The following SEMA3A variants were observed in gnomAD, a reference collection of about 807,000 sequenced individuals.
SEMA3A encodes semaphorin-3A.
Under a neutral mutation model 97.9 loss-of-function variants are expected in SEMA3A, and 29 were observed. The ratio of observed to expected loss-of-function variants is 0.30; its 90% CI spans 0.22 to 0.40. The LOEUF (loss-of-function observed/expected upper bound fraction) is 0.40. SEMA3A is among the 10% of genes least tolerant of loss of function. The pLI is 1.00. For missense variants in SEMA3A, 763 were observed against 951.3 expected, an observed-to-expected ratio of 0.80 and a Z score of 2.60; for synonymous variants, 321 against 323.7, an observed-to-expected ratio of 0.99 and a Z score of 0.09.
At chr7:84,449,813 T>C (rs1395133408) in intron 1 of SEMA3A, among the ~76,000 whole-genome samples, 1 of 152,170 alleles carries the variant, frequency 6.6e-6, no homozygotes, top group Admixed American at 6.5e-5. Context: ...AGACATCTCA[T>C]GTTAAGTGGA....
chr7:84,271,477 A>G (rs1800151707), intron 3 of SEMA3A, among the ~76,000 whole-genome samples: 1 of 152,166 alleles, frequency 6.6e-6, no homozygotes, highest in South Asian at 2.1e-4. Flanking sequence ...TCACTATTAC[A>G]ATATCTGGAC....
chr7:84,209,679 T>C (rs887478057), intron 3 of SEMA3A, among the ~76,000 whole-genome samples: 5 of 152,228 alleles, frequency 3.3e-5, no homozygotes, highest in African/African-American at 9.6e-5. Context: ...TATTTCTTCA[T>C]GTAAAACTGT....
chr7:84,429,516 T>TTTTATATATATATA (rs1554385260), intron 1 of SEMA3A, among the ~76,000 whole-genome samples: 2,144 of 72,254 alleles, frequency 0.03, 113 homozygotes, highest in Non-Finnish European at 0.038. Flanking sequence ...ATAGAGTTTG[T>TTTTATATATATATA]TATATATATA....
At chr7:84,156,362 C>T (rs895326376) in intron 1 of SEMA3A, among the ~76,000 whole-genome samples, 37 of 152,046 alleles carry the variant, frequency 2.4e-4, no homozygotes, top group African/African-American at 8.9e-4. Flanking sequence ...CAAATATTAT[C>T]CATGACAGTT....
chr7:84,379,292 C>A (rs1803195454), intron 1 of SEMA3A, among the ~76,000 whole-genome samples: 1 of 152,010 alleles, frequency 6.6e-6, no homozygotes, highest in South Asian at 2.1e-4. Context: ...AGTTTTTTCA[C>A]AATTTTATAA....
rs371481515 is a variant in SEMA3A, at chr7:84,017,252, A to G, written c.668-2901T>C. On this transcript the variant is annotated intron_variant, in intron 6 of 16. Coordinates refer to ENST00000265362, the MANE Select transcript of SEMA3A (RefSeq NM_006080.3). ...ACTGACCTCTCTAAAATATGTGAGG[A>G]TAATTATTATCTTACAAATGTGGAC... is the stretch of plus-strand genomic sequence containing the variant. Among the ~76,000 whole-genome samples the G allele has an allele frequency of 3.2e-4, 49 of 152,308 alleles. 1 individual carries two copies. The South Asian group carries it at 8.5e-3, about 26-fold the overall frequency.
chr7:84,242,248 T>G lies in SEMA3A; in HGVS notation c.-82-47580A>C, dbSNP rs1584159552. On this transcript the variant is annotated intron_variant, in intron 3 of 3. Transcript: ENST00000424555. Reference sequence around the variant, plus strand: ...ATGGCCATTTTCACGATACTGATTCTTTCTGTCTATGAGCATGGAATGTTT... The same window carrying G: ...ATGGCCATTTTCACGATACTGATTCGTTCTGTCTATGAGCATGGAATGTTT... Among the ~76,000 whole-genome samples the G allele has an allele frequency of 3.9e-5, 6 of 152,330 alleles. 1 individual carries two copies. Among genetic ancestry groups the G allele is most frequent in the Admixed American group, 3.9e-4 (6 of 15,298 alleles).
Position 83,963,291 on chromosome 7 carries a change from T to C in SEMA3A, c.1774A>G (p.Ser592Gly), listed in dbSNP as rs759077466. 10 of 1,613,816 alleles carry C rather than the reference T, an allele frequency of 6.2e-6. No homozygotes were observed. Among genetic ancestry groups the C allele is most frequent in the Non-Finnish European group, 7.6e-6 (9 of 1,179,972 alleles). ...ERIIYGVENS[S>G]TFLECSPKSQ... ...TTCGGACTGCATTCCAAAAATGTGC[T>C]ACTATTCTCTACACCATAGATGATT... The change falls in exon 16 of 17, where the codon AGC becomes GGC. Residue 592 changes from serine (S) to glycine (G), a missense_variant. This residue lies in a region of SEMA3A where 678 missense variants were observed against 881.3 expected (regional missense o/e 0.77). Transcript: ENST00000265362.
chr7:84,257,196 T>C (rs779488473), intron 3 of SEMA3A, among the ~76,000 whole-genome samples: 11 of 152,098 alleles, frequency 7.2e-5, no homozygotes, highest in African/African-American at 1.4e-4. Context: ...CAAGATTTTT[T>C]TTAAAGAAAA....
At chr7:84,257,098 A>T (rs1799733942) in intron 3 of SEMA3A, among the ~76,000 whole-genome samples, 1 of 152,058 alleles carries the variant, frequency 6.6e-6, no homozygotes, top group Non-Finnish European at 1.5e-5. Flanking sequence ...ATGTTCCATG[A>T]ATCAAATGGT....
intron 15 of SEMA3A, among the ~76,000 whole-genome samples, chr7:83,969,354 G>A (rs1788833622): frequency 8.2e-6 from 1 of 122,272 alleles, no homozygotes; most frequent in Admixed American, 7.6e-5. Flanking sequence ...CTTCTATATT[G>A]CCAAAAAAAA....
intron 3 of SEMA3A, among the ~76,000 whole-genome samples, chr7:84,266,313 C>CAAAAAAAAAAAAAAAAAAAAAAAAAAAA: frequency 1.4e-5 from 1 of 70,484 alleles, no homozygotes. Context: ...GATTTGGTCT[C>CAAAAAAAAAAAAAAAAAAAAAAAAAAAA]AAAAAAAAAA....
intron 12 of SEMA3A, among the ~76,000 whole-genome samples, chr7:83,987,664 A>G (rs1011237528): frequency 2.0e-5 from 3 of 152,220 alleles, no homozygotes; most frequent in African/African-American, 7.2e-5. Flanking sequence ...ATTTGCATGA[A>G]TGAATAAATG....
chr7:84,335,463 G>A (rs1384726136), intron 2 of SEMA3A, among the ~76,000 whole-genome samples: 1 of 152,030 alleles, frequency 6.6e-6, no homozygotes, highest in Admixed American at 6.6e-5. Flanking sequence ...TGATGGGTGT[G>A]TGAGAGAGAA....
intron 12 of SEMA3A, among the ~76,000 whole-genome samples, chr7:83,993,587 C>T (rs890747919): frequency 1.3e-4 from 19 of 147,230 alleles, no homozygotes; most frequent in Non-Finnish European, 2.4e-4. Flanking sequence ...CTTACTTTGG[C>T]TGGATATGAA....
At chr7:84,277,545 G>A (rs1047239384) in intron 3 of SEMA3A, among the ~76,000 whole-genome samples, 7 of 152,096 alleles carry the variant, frequency 4.6e-5, no homozygotes, top group African/African-American at 1.7e-4. Context: ...GTGCCAGATA[G>A]TAATGAAATA....
In SEMA3A at chr7:83,956,306, G is replaced by T. The variant is rs1302442464; in HGVS notation, c.*5065C>A. The T allele has an allele frequency of 1.3e-5, 2 of 152,140 alleles. No homozygotes were observed. The highest frequency in any genetic ancestry group is 4.8e-5 in the African/African-American group (2 of 41,434). 9.4% of individuals were successfully genotyped at this position (152,140 alleles called of 1,614,324 possible). ...TCTAATGCTAGCTGAGTGAGGTAAGGCTGTAGGTAGGTGAAATGTAACAGA... is the reference window on the plus strand; with the variant it reads ...TCTAATGCTAGCTGAGTGAGGTAAGTCTGTAGGTAGGTGAAATGTAACAGA... On this transcript the variant is annotated 3_prime_UTR_variant, in exon 17 of 17. Coordinates refer to ENST00000265362, the MANE Select transcript of SEMA3A (RefSeq NM_006080.3).
rs111646218 is a variant in SEMA3A, at chr7:84,291,559, C to T, written c.-83+15648G>A. ...TCTCTTCCATTAAAAAATAATTTAT[C>T]TCATAAAACATTGAACATTTCCATT... On this transcript the variant is annotated intron_variant, in intron 3 of 3. Coordinates refer to the SEMA3A transcript ENST00000424555. 3.3e-5 allele frequency among the ~76,000 whole-genome samples: 5 copies of T among 152,116 alleles called. 1 individual carries two copies. Among genetic ancestry groups the T allele is most frequent in the African/African-American group, 1.2e-4 (5 of 41,522 alleles).
intron 12 of SEMA3A, among the ~76,000 whole-genome samples, chr7:83,996,046 C>A (rs537145734): frequency 1.3e-5 from 2 of 152,264 alleles, no homozygotes; most frequent in East Asian, 3.9e-4. Context: ...TTCAATAGAA[C>A]TATAAATAAA....
Sources: allele counts gnomAD v4.1 joint callset (sites outside exome capture counted in the v4.1 genomes callset), GRCh38; gene constraint gnomAD v4.1.1; regional missense constraint gnomAD v4.1.1; transcripts MANE v1.5; gene names NCBI Gene and HGNC (gene_info 2026-07-23, HGNC 2026-07-21).